Variants in KLF9 observed in about 807,000 individuals in gnomAD.
KLF9 encodes the protein KLF transcription factor 9.
A neutral mutation model predicts 17.3 loss-of-function variants in KLF9; 2 were observed. That is an observed-to-expected ratio of 0.12 (90% CI 0.05 to 0.36). The LOEUF is 0.36. Among genes scored for constraint, KLF9 ranks in the 10% least tolerant of loss-of-function variants. The pLI, the probability that KLF9 is intolerant of heterozygous loss-of-function variation, is 1.00. For synonymous variants in KLF9, 138 were observed against 139.2 expected (o/e 0.99, Z 0.06); for missense variants, 226 against 333.2 (o/e 0.68, Z 2.51).
chr9:70,409,013 C>CATATATGTGTATATATATAT (rs1564089081), intron 1 of KLF9, among the ~76,000 whole-genome samples: 2 of 35,886 alleles, frequency 5.6e-5, no homozygotes, highest in African/African-American at 2.3e-4. Flanking sequence ...TATATATATA[C>CATATATGTGTATATATATAT]ACATATATGT....
At chr9:70,395,491 T>C (rs1029268392) in intron 1 of KLF9, among the ~76,000 whole-genome samples, 1 of 152,070 alleles carries the variant, frequency 6.6e-6, no homozygotes, top group Non-Finnish European at 1.5e-5. Context: ...ATGTTAAAAA[T>C]ATATATAAGT....
chr9:70,406,418 G>C (rs973831480), intron 1 of KLF9, among the ~76,000 whole-genome samples: 8 of 152,142 alleles, frequency 5.3e-5, no homozygotes, highest in African/African-American at 1.7e-4. Flanking sequence ...AGAAAGGGTG[G>C]GGATGTGCTT....
In KLF9 at chr9:70,413,593, G is replaced by T; in HGVS notation, c.-230C>A. ...CTCCGCACGCAGCATCCACGGCCCCGGGCTCCGCCGCGCCGCCGCCTCTAG... is the reference window on the plus strand; with the variant it reads ...CTCCGCACGCAGCATCCACGGCCCCTGGCTCCGCCGCGCCGCCGCCTCTAG... On this transcript the variant is annotated 5_prime_UTR_variant, in exon 1 of 2. Transcript: ENST00000377126. This position sits in a 1 kb window ranked among gnomAD's most constrained non-coding sequence, Gnocchi z 5.6. The T allele has an allele frequency of 4.0e-6, 1 of 249,946 alleles. No homozygotes were observed. Among genetic ancestry groups the T allele is most frequent in the South Asian group, 1.5e-4 (1 of 6,852 alleles). 15.5% of individuals were successfully genotyped at this position (249,946 alleles called of 1,614,324 possible).
At position 70,414,490 on chromosome 9, in the gene KLF9, G is replaced by A. The variant is rs1427306650; in HGVS notation, c.-1127C>T. The A allele has an allele frequency of 6.6e-6, 1 of 152,192 alleles. No individual in the cohort carries two copies. Among genetic ancestry groups the A allele is most frequent in the African/African-American group, 2.4e-5 (1 of 41,438 alleles). The allele number at this position is 152,192 out of a possible 1,614,324, so 9.4% of individuals were successfully genotyped here. A position where few individuals can be genotyped will look rare whatever the true frequency, so the allele number is the denominator to read the frequency against. ...AAGCAAGCGCTCGACACTTGTAAAC[G>A]CGAAGAGCTGTAGTGAAACTGGACA... On this transcript the variant is annotated 5_prime_UTR_variant, in exon 1 of 2. Coordinates refer to ENST00000377126, the MANE Select transcript of KLF9 (RefSeq NM_001206.4).
intron 1 of KLF9, among the ~76,000 whole-genome samples, chr9:70,402,206 C>G (rs1173712774): frequency 1.3e-5 from 2 of 152,096 alleles, no homozygotes; most frequent in Non-Finnish European, 2.9e-5. Flanking sequence ...AGAAAGCCAG[C>G]TGTTTGGTTG....
chr9:70,413,216 G>C lies in KLF9; in HGVS notation c.148C>G (p.Pro50Ala), dbSNP rs770301994. ...CAGTAATCCTTCCAGGTGTCCCCCGGGTCACCGTGCTCCTTGGTCACCTCG... is the reference window on the plus strand; with the variant it reads ...CAGTAATCCTTCCAGGTGTCCCCCGCGTCACCGTGCTCCTTGGTCACCTCG... ...EREVTKEHGD[P>A]GDTWKDYCTL... The change falls in exon 1 of 2, where the codon CCG becomes GCG. Residue 50 changes from proline to alanine, a missense_variant. By Grantham distance (27) the Pro-to-Ala change is conservative (BLOSUM62 -1). Transcript: ENST00000377126. This position sits in a 1 kb window ranked among gnomAD's most constrained non-coding sequence, Gnocchi z 5.6. 1 of 1,614,078 alleles carries C rather than the reference G, an allele frequency of 6.2e-7. No individual in the cohort carries two copies. The highest frequency in any genetic ancestry group is 1.1e-5 in the South Asian group (1 of 91,084).
In KLF9 at chr9:70,414,630, A is replaced by T. The variant is rs1404899332; in HGVS notation, c.-1267T>A. On this transcript the variant is annotated 5_prime_UTR_variant, in exon 1 of 2. Coordinates refer to ENST00000377126, the MANE Select transcript of KLF9 (RefSeq NM_001206.4). Reference sequence around the variant, plus strand: ...AAAAAAACCCCATTATGTCAGGATAAGTCCAAGAATAAACACAAATGAGTA... The same window carrying T: ...AAAAAAACCCCATTATGTCAGGATATGTCCAAGAATAAACACAAATGAGTA... 2 of 152,224 alleles carry T rather than the reference A, an allele frequency of 1.3e-5. No homozygotes were observed. Among genetic ancestry groups the T allele is most frequent in the African/African-American group, 4.8e-5 (2 of 41,466 alleles). 9.4% of individuals were successfully genotyped at this position (152,224 alleles called of 1,614,324 possible).
Position 70,413,046 on chromosome 9 carries a change from A to G in KLF9, c.318T>C (p.Ser106=), listed in dbSNP as rs759213249. The G allele has an allele frequency of 8.7e-6, 14 of 1,613,858 alleles. No homozygotes were observed. Among genetic ancestry groups the G allele is most frequent in the Non-Finnish European group, 1.1e-5 (13 of 1,179,904 alleles). Residue 106 remains serine, a synonymous_variant, in exon 1 of 2, where the codon AGT becomes AGC. Coordinates refer to ENST00000377126, the MANE Select transcript of KLF9 (RefSeq NM_001206.4). The surrounding 1 kb of genome is among the most constrained non-coding windows in gnomAD (Gnocchi z 5.6). ...GTCTCTCCTCCGGGCTGTGGGAAGG[A>G]CTCGACCCAGATTCGGTGGTCACGT... ...DSDVTTESGS[S]PSHSPEERQD...
chr9:70,410,273 T>C (rs1306428640), intron 1 of KLF9, among the ~76,000 whole-genome samples: 1 of 152,236 alleles, frequency 6.6e-6, no homozygotes, highest in Non-Finnish European at 1.5e-5. Context: ...TAGATGTTGG[T>C]AACTAATTAA....
rs1263202438 is a variant in KLF9, at chr9:70,413,301, G to T, written c.63C>A (p.Arg21=). Residue 21 remains arginine (R), a synonymous_variant, in exon 1 of 2, where the codon CGC becomes CGA. Coordinates refer to ENST00000377126, the MANE Select transcript of KLF9 (RefSeq NM_001206.4). The surrounding 1 kb of genome is among the most constrained non-coding windows in gnomAD (Gnocchi z 5.6). ...AAQCLVSISN[R]AAVPEHGVAP... is the part of the protein sequence containing the mutation. Reference sequence around the variant, plus strand: ...CGACCCCATGCTCCGGCACCGCAGCGCGGTTCGAAATGGAAACCAGACACT... The same window carrying T: ...CGACCCCATGCTCCGGCACCGCAGCTCGGTTCGAAATGGAAACCAGACACT... 1 of 1,608,510 alleles carries T rather than the reference G, an allele frequency of 6.2e-7. No homozygotes were observed. Among genetic ancestry groups the T allele is most frequent in the Non-Finnish European group, 8.5e-7 (1 of 1,178,098 alleles).
chr9:70,401,686 C>CAAAAAA (rs34988097), intron 1 of KLF9, among the ~76,000 whole-genome samples: 66 of 64,652 alleles, frequency 1.0e-3, no homozygotes, highest in African/African-American at 1.2e-3. Flanking sequence ...GACTCCTTCA[C>CAAAAAA]AAAAAAAAAA....
chr9:70,391,774 C>T (rs1162571277), intron 1 of KLF9, among the ~76,000 whole-genome samples: 3 of 152,078 alleles, frequency 2.0e-5, no homozygotes, highest in Non-Finnish European at 4.4e-5. Context: ...TTCTTATATT[C>T]GGTTTTTACC....
At chr9:70,403,272 G>A (rs1453244845) in intron 1 of KLF9, among the ~76,000 whole-genome samples, 1 of 152,072 alleles carries the variant, frequency 6.6e-6, no homozygotes, top group Non-Finnish European at 1.5e-5. Flanking sequence ...ATTTCCTTTT[G>A]GCAACAACTC....
At chr9:70,391,126 G>C (rs916322346) in intron 1 of KLF9, among the ~76,000 whole-genome samples, 8 of 152,006 alleles carry the variant, frequency 5.3e-5, no homozygotes, top group African/African-American at 1.9e-4. Flanking sequence ...CATTTAGTTG[G>C]GGGATCTGTG....
At chr9:70,390,823 C>T (rs1398694112) in intron 1 of KLF9, among the ~76,000 whole-genome samples, 2 of 152,066 alleles carry the variant, frequency 1.3e-5, no homozygotes, top group Non-Finnish European at 2.9e-5. Flanking sequence ...TAAACATGTT[C>T]TATGAAAAAT....
chr9:70,409,041 TATATATATAC>T (rs1359388127), intron 1 of KLF9, among the ~76,000 whole-genome samples: 2 of 126,932 alleles, frequency 1.6e-5, no homozygotes, highest in East Asian at 4.3e-4. Flanking sequence ...TATATGTGTA[TATATATATAC>T]ATATATGTGT....
At chr9:70,402,110 C>T (rs2037226466) in intron 1 of KLF9, among the ~76,000 whole-genome samples, 1 of 152,054 alleles carries the variant, frequency 6.6e-6, no homozygotes, top group Non-Finnish European at 1.5e-5. Context: ...CTATGTTTTT[C>T]ACACTGGGAA....
chr9:70,388,847 G>GT (rs1274893422), intron 1 of KLF9, among the ~76,000 whole-genome samples: 1 of 152,126 alleles, frequency 6.6e-6, no homozygotes, highest in Non-Finnish European at 1.5e-5. Flanking sequence ...AACACTAGAA[G>GT]TAAGTTTGTG....
At chr9:70,404,476 G>C (rs1486716140) in intron 1 of KLF9, among the ~76,000 whole-genome samples, 2 of 152,070 alleles carry the variant, frequency 1.3e-5, no homozygotes, top group African/African-American at 2.4e-5. Flanking sequence ...TACTTGGGAG[G>C]CTGAGGTGGG....
Sources: gnomAD v4.1 joint callset for allele counts (sites outside exome capture counted in the v4.1 genomes callset) on GRCh38, gnomAD v4.1.1 for gene constraint, Gnocchi (gnomAD v3.1) non-coding constraint, MANE v1.5 for transcripts, NCBI Gene and HGNC (gene_info 2026-07-23, HGNC 2026-07-21) for gene names.